The following PHF2 variants were observed in gnomAD, a reference collection of about 807,000 sequenced individuals.
PHF2 encodes lysine-specific demethylase PHF2.
PHF2 carries 27 observed loss-of-function variants against 120.5 expected under a neutral mutation model. The observed-to-expected ratio is 0.22, with a 90% CI of 0.17 to 0.31. The LOEUF is 0.31. PHF2 is among the 10% of genes least tolerant of loss of function. The probability of loss-of-function intolerance (pLI) is 1.00; values close to 1 mark genes in which losing one functional copy is unlikely to be tolerated. For missense variants in PHF2, 1,024 were observed against 1,434.8 expected (o/e 0.71, Z 4.63); for synonymous variants, 568 against 592.5 (o/e 0.96, Z 0.60).
At chr9:93,661,855 A>AATGG (rs563850461) in intron 12 of PHF2, among the ~76,000 whole-genome samples, 3 of 151,030 alleles carry the variant, frequency 2.0e-5, no homozygotes, top group African/African-American at 7.3e-5. Flanking sequence ...TTGATGAATA[A>AATGG]ATGGATGGAT....
At chr9:93,630,698 G>T (rs1457808913) in intron 2 of PHF2, among the ~76,000 whole-genome samples, 1 of 152,204 alleles carries the variant, frequency 6.6e-6, no homozygotes, top group Non-Finnish European at 1.5e-5. Flanking sequence ...TGAGCTGGAG[G>T]TTATATGAGC....
rs1380462202 is a variant in PHF2, at chr9:93,614,786, C to T, written c.99-15184C>T. Among the ~76,000 whole-genome samples, 9 of 151,234 alleles carry T rather than the reference C, an allele frequency of 6.0e-5. No individual in the cohort carries two copies. In the South Asian group the frequency reaches 8.4e-4, roughly 14 times the overall value. On this transcript the variant is annotated intron_variant, in intron 1 of 21. Transcript: ENST00000359246. ...CAAAAAAAAGTGATGATGGTGGTGG[C>T]GAGGATGATGATGGTAATGATAGTG... is the stretch of plus-strand genomic sequence containing the variant.
chr9:93,615,613 A>G (rs1247460808), intron 1 of PHF2, among the ~76,000 whole-genome samples: 2 of 150,684 alleles, frequency 1.3e-5, no homozygotes, highest in Non-Finnish European at 2.9e-5. Context: ...GTTGGTGGCA[A>G]TCATTGCCCA....
At chr9:93,650,810 C>T (rs1452910085) in intron 5 of PHF2, among the ~76,000 whole-genome samples, 1 of 152,324 alleles carries the variant, frequency 6.6e-6, no homozygotes, top group South Asian at 2.1e-4. Flanking sequence ...CCGTAAGGCG[C>T]GGGTGGCTAA....
chr9:93,600,479 C>T (rs1825419956), intron 1 of PHF2, among the ~76,000 whole-genome samples: 2 of 152,236 alleles, frequency 1.3e-5, no homozygotes, highest in African/African-American at 4.8e-5. Flanking sequence ...GACGGTATTG[C>T]AGTGTGGGAC....
In PHF2 at chr9:93,649,183, C is replaced by T. The variant is rs780145036; in HGVS notation, c.573C>T (p.Asn191=). The T allele has an allele frequency of 4.5e-6, 7 of 1,545,080 alleles. No individual in the cohort carries two copies. The East Asian group carries it at 7.4e-5, about 16-fold the overall frequency. Residue 191 remains asparagine (N), a synonymous_variant, in exon 5 of 22, where the codon AAC becomes AAT. Transcript: ENST00000359246. ...YYSTNRKRVL[N]VTNLEFSDTR... is the part of the protein sequence containing the mutation. The stretch of plus-strand genomic sequence containing the variant: ...GCACCAACCGCAAGCGGGTCCTCAA[C>T]GTCACCAACCTCGAGTTCTCTGACA...
chr9:93,677,049 G>A lies in PHF2; in HGVS notation c.3202+86G>A. On this transcript the variant is annotated intron_variant, in intron 21 of 21. Transcript: ENST00000359246. The surrounding 1 kb of genome is among the most constrained non-coding windows in gnomAD (Gnocchi z 4.4). ...CCCAGACATGCAGACTCGGCCCATGGTAGAGGGCAGCACATTGGGAGGGCT... is the reference window on the plus strand; with the variant it reads ...CCCAGACATGCAGACTCGGCCCATGATAGAGGGCAGCACATTGGGAGGGCT... 1.4e-6 allele frequency: 2 copies of A among 1,390,110 alleles called. No individual in the cohort carries two copies. The highest frequency in any genetic ancestry group is 1.9e-6 in the Non-Finnish European group (2 of 1,044,352). The allele number at this position is 1,390,110 out of a possible 1,614,324, so 86.1% of individuals were successfully genotyped here. A position where few individuals can be genotyped will look rare whatever the true frequency, so the allele number is the denominator to read the frequency against.
intron 1 of PHF2, among the ~76,000 whole-genome samples, chr9:93,588,136 G>A (rs191596891): frequency 6.6e-6 from 1 of 152,218 alleles, no homozygotes; most frequent in Admixed American, 6.5e-5. Flanking sequence ...AGCAGCTGGG[G>A]GCAGAACCAC....
intron 20 of PHF2, 70 bp from the exon 21 acceptor site, chr9:93,676,524 C>A: frequency 6.5e-7 from 1 of 1,527,038 alleles, no homozygotes; most frequent in Non-Finnish European, 8.8e-7. Context: ...AAGGCCATGC[C>A]GGGAGCTCCC....
chr9:93,620,125 C>T (rs563015998), intron 1 of PHF2, among the ~76,000 whole-genome samples: 2 of 152,296 alleles, frequency 1.3e-5, no homozygotes, highest in Admixed American at 6.5e-5. Context: ...GGTGGGCTCC[C>T]GGGACAGACC....
At chr9:93,641,998 G>A (rs1240590446) in intron 3 of PHF2, among the ~76,000 whole-genome samples, 1 of 152,158 alleles carries the variant, frequency 6.6e-6, no homozygotes, top group Non-Finnish European at 1.5e-5. Flanking sequence ...TTTTGCATAT[G>A]GATATCAACT....
At chr9:93,612,011 A>G (rs989885656) in intron 1 of PHF2, among the ~76,000 whole-genome samples, 1 of 152,196 alleles carries the variant, frequency 6.6e-6, no homozygotes, top group Non-Finnish European at 1.5e-5. Flanking sequence ...TTCTGATTAC[A>G]GAGGGGCATA....
At chr9:93,638,656 G>A (rs1826130003) in intron 3 of PHF2, among the ~76,000 whole-genome samples, 1 of 152,170 alleles carries the variant, frequency 6.6e-6, no homozygotes. Flanking sequence ...GTACCACACA[G>A]TCTTAATTAC....
intron 5 of PHF2, 116 bp downstream of exon 5, chr9:93,649,328 C>A: frequency 1.5e-5 from 9 of 591,240 alleles, no homozygotes; most frequent in Non-Finnish European, 2.3e-5. Context: ...GAATACTGCA[C>A]ATGGCACACA....
intron 1 of PHF2, among the ~76,000 whole-genome samples, chr9:93,596,736 G>C (rs1360200843): frequency 7.3e-6 from 1 of 136,398 alleles, no homozygotes; most frequent in Admixed American, 7.8e-5. Context: ...TCATGCCTCA[G>C]TGTTTCTGCC....
chr9:93,656,646 G>GGGCAGCCA lies in PHF2; in HGVS notation c.1147+53_1147+60dup, dbSNP rs1564397049. ...CCAAGCCTGGGGCTCTTGGCTGTGG[G>GGGCAGCCA]GGCAGCCAGACCTGGTCAGGGCTGA... is the stretch of plus-strand genomic sequence containing the variant. On this transcript the variant is annotated intron_variant, in intron 9 of 21. Transcript: ENST00000359246. The surrounding 1 kb of genome is among the most constrained non-coding windows in gnomAD (Gnocchi z 4.1). 1 of 1,287,908 alleles carries GGGCAGCCA rather than the reference G, an allele frequency of 7.8e-7. No homozygotes were observed. The highest frequency in any genetic ancestry group is 1.1e-6 in the Non-Finnish European group (1 of 887,888). The allele number at this position is 1,287,908 out of a possible 1,614,324, so 79.8% of individuals were successfully genotyped here.
At chr9:93,651,164 A>G (rs1177601646) in intron 5 of PHF2, among the ~76,000 whole-genome samples, 1 of 152,176 alleles carries the variant, frequency 6.6e-6, no homozygotes, top group African/African-American at 2.4e-5. Context: ...AAAGACTAAA[A>G]GGGAAATGGA....
intron 12 of PHF2, among the ~76,000 whole-genome samples, chr9:93,662,689 C>T (rs1038312424): frequency 2.8e-5 from 4 of 144,828 alleles, no homozygotes; most frequent in Admixed American, 2.1e-4. Flanking sequence ...GATGAATGAA[C>T]GGATGGATGG....
intron 5 of PHF2, 45 bp downstream of exon 5, chr9:93,649,257 G>A (rs1587705355): frequency 5.3e-6 from 8 of 1,510,230 alleles, no homozygotes; most frequent in African/African-American, 4.1e-5. Context: ...GGTTGGGGCA[G>A]GGGCGCTGTG....
Sources: gnomAD v4.1 joint callset for allele counts (sites outside exome capture counted in the v4.1 genomes callset) on GRCh38, gnomAD v4.1.1 for gene constraint, Gnocchi (gnomAD v3.1) non-coding constraint, MANE v1.5 for transcripts, NCBI Gene and HGNC (gene_info 2026-07-23, HGNC 2026-07-21) for gene names.